Variants in WSCD2 observed in about 807,000 individuals in gnomAD.
WSCD2 encodes the protein WSC domain sialate O sulfotransferase 2.
A neutral mutation model predicts 55.7 loss-of-function variants in WSCD2; 28 were observed. That is an observed-to-expected ratio of 0.50 (90% CI 0.37 to 0.69). The LOEUF is 0.69. Among genes scored for constraint, WSCD2 ranks in the 30% least tolerant of loss-of-function variants. The probability of loss-of-function intolerance (pLI) is 0.00; values close to 1 mark genes in which losing one functional copy is unlikely to be tolerated. For synonymous variants in WSCD2, 301 were observed against 301.9 expected (o/e 1.00, Z 0.03); for missense variants, 616 against 762.1 (o/e 0.81, Z 2.26).
intron 1 of WSCD2, among the ~76,000 whole-genome samples, chr12:108,154,270 T>A (rs1878311837): frequency 6.6e-6 from 1 of 152,226 alleles, no homozygotes. Context: ...CAGGTTGGCA[T>A]GACTGAGTTC....
chr12:108,177,417 G>A (rs959537828), intron 1 of WSCD2, among the ~76,000 whole-genome samples: 1 of 152,106 alleles, frequency 6.6e-6, no homozygotes, highest in African/African-American at 2.4e-5. Flanking sequence ...TATAGTGAGT[G>A]CAGCCAGACT....
intron 4 of WSCD2, among the ~76,000 whole-genome samples, chr12:108,221,868 A>ACTATCACCACTACCACTGCCAC (rs1887563159): frequency 6.6e-6 from 1 of 152,188 alleles, no homozygotes; most frequent in Non-Finnish European, 1.5e-5. Context: ...GCATCCTGAC[A>ACTATCACCACTACCACTGCCAC]CTATCACCAC....
chr12:108,241,555 G>A (rs1197621461), intron 8 of WSCD2, among the ~76,000 whole-genome samples: 1 of 152,084 alleles, frequency 6.6e-6, no homozygotes, highest in Non-Finnish European at 1.5e-5. Flanking sequence ...AGGGTAAGGG[G>A]GATATAGGGG....
At position 108,248,260 on chromosome 12, in the gene WSCD2, A is replaced by C. The variant is rs1487442920; in HGVS notation, c.1615A>C (p.Ile539Leu). 6.2e-7 allele frequency: 1 copy of C among 1,614,230 alleles called. No individual in the cohort carries two copies. The part of the protein sequence containing the change: ...DPYTADMQKT[I>L]SAYIKMVDAA... ...CTATACTGCGGACATGCAGAAGACC[A>C]TCTCTGCCTACATCAAGATGGTGGA... The change falls in exon 9 of 9, where the codon ATC becomes CTC. Residue 539 changes from isoleucine to leucine, a missense_variant. Around this residue, in one of 3 missense-constraint regions of WSCD2, gnomAD observed 234 missense variants for 264.6 expected, o/e 0.88. Coordinates refer to ENST00000547525, the MANE Select transcript of WSCD2 (RefSeq NM_014653.4). The surrounding 1 kb of genome is among the most constrained non-coding windows in gnomAD (Gnocchi z 4.3).
At chr12:108,139,473 A>C (rs1212984650) in intron 1 of WSCD2, among the ~76,000 whole-genome samples, 1 of 152,136 alleles carries the variant, frequency 6.6e-6, no homozygotes, top group Admixed American at 6.6e-5. Context: ...CCAGAGTAGT[A>C]CATGCTGCAA....
intron 8 of WSCD2, among the ~76,000 whole-genome samples, chr12:108,246,539 C>T (rs1385889155): frequency 6.6e-6 from 1 of 152,188 alleles, no homozygotes; most frequent in African/African-American, 2.4e-5. Context: ...GCACTTTCCC[C>T]AGCTCCTCCT....
intron 4 of WSCD2, among the ~76,000 whole-genome samples, chr12:108,220,349 G>C (rs1202838194): frequency 6.6e-6 from 1 of 152,136 alleles, no homozygotes; most frequent in African/African-American, 2.4e-5. Flanking sequence ...TTGCAAGCTG[G>C]GTGACCTGTA....
At chr12:108,134,493 C>T (rs1210302729) in intron 1 of WSCD2, among the ~76,000 whole-genome samples, 1 of 152,118 alleles carries the variant, frequency 6.6e-6, no homozygotes, top group Non-Finnish European at 1.5e-5. Context: ...AAGCCCAGAC[C>T]TTGGTGAAGG....
intron 7 of WSCD2, among the ~76,000 whole-genome samples, chr12:108,237,018 G>A (rs963549937): frequency 1.3e-5 from 2 of 152,186 alleles, no homozygotes; most frequent in Non-Finnish European, 2.9e-5. Flanking sequence ...CTACAGAGTT[G>A]GCAGCCTCTC....
rs372488917 is a variant in WSCD2 at position 108,140,924 on chromosome 12, C to T, written c.-552+10998C>T. ...ACATCCTGATCCATGACAGGTCCTG[C>T]GGCCCCTTCGCTCCCATGCTGCTTT... On this transcript the variant is annotated intron_variant, in intron 1 of 8. Coordinates refer to ENST00000547525, the MANE Select transcript of WSCD2 (RefSeq NM_014653.4). 3.9e-5 allele frequency among the ~76,000 whole-genome samples: 6 copies of T among 152,370 alleles called. No individual in the cohort carries two copies. In the South Asian group the frequency reaches 1.0e-3, roughly 26 times the overall value.
rs372802789 is a variant in WSCD2 at position 108,250,171 on chromosome 12, A to AGTGTGTGTGTGTGTGTGTGT, written c.*1837_*1856dup. 2.7e-5 allele frequency: 4 copies of AGTGTGTGTGTGTGTGTGTGT among 146,500 alleles called. No homozygotes were observed. Among genetic ancestry groups the AGTGTGTGTGTGTGTGTGTGT allele is most frequent in the African/African-American group, 1.0e-4 (4 of 39,210 alleles). The allele number at this position is 146,500 out of a possible 1,614,324, so 9.1% of individuals were successfully genotyped here. ...AGGTTCACAAATGGGATGTTTTCCT[A>AGTGTGTGTGTGTGTGTGTGT]GTGTGTGTGTGTGTGTGTGTGTGTG... is the stretch of plus-strand genomic sequence containing the variant. On this transcript the variant is annotated 3_prime_UTR_variant, in exon 9 of 9. Coordinates refer to ENST00000547525, the MANE Select transcript of WSCD2 (RefSeq NM_014653.4).
chr12:108,173,808 C>CTGTGTGTG (rs1300986533), intron 1 of WSCD2, among the ~76,000 whole-genome samples: 5 of 100,970 alleles, frequency 5.0e-5, no homozygotes, highest in African/African-American at 2.3e-4. Flanking sequence ...ATTCCTGGCT[C>CTGTGTGTG]TCTGTGTGTG....
At chr12:108,184,196 C>T (rs1882157849) in intron 1 of WSCD2, among the ~76,000 whole-genome samples, 1 of 152,220 alleles carries the variant, frequency 6.6e-6, no homozygotes, top group East Asian at 1.9e-4. Context: ...CAGTCCTGCT[C>T]AGAGCTGGCA....
chr12:108,177,847 TGA>T (rs1881102860), intron 1 of WSCD2, among the ~76,000 whole-genome samples: 1 of 152,066 alleles, frequency 6.6e-6, no homozygotes, highest in Non-Finnish European at 1.5e-5. Flanking sequence ...GGTGATTCGC[TGA>T]GAGGGGACAG....
Position 108,196,055 on chromosome 12 carries a change from G to T in WSCD2, c.223G>T (p.Gly75Cys), listed in dbSNP as rs753798681. 1.1e-5 allele frequency: 17 copies of T among 1,614,090 alleles called. No individual in the cohort carries two copies. The highest frequency in any genetic ancestry group is 2.7e-5 in the African/African-American group (2 of 74,934). Residue 75 changes from glycine to cysteine, a missense_variant, in exon 2 of 9, where the codon GGT (glycine) becomes TGT (cysteine). By Grantham distance (159) the Gly-to-Cys change is radical (BLOSUM62 -3). Transcript: ENST00000547525. ...CTTGGGTGACATGCATCTGGGCAGA[G>T]GTTTCCGGGACACAGGTGAAGCCTC... ...SFLGDMHLGR[G>C]FRDTGEASSI...
intron 4 of WSCD2, among the ~76,000 whole-genome samples, chr12:108,216,467 CTA>C (rs1886843329): frequency 6.6e-6 from 1 of 152,214 alleles, no homozygotes. Flanking sequence ...TTCACATAGA[CTA>C]TGAGCTGTGA....
chr12:108,212,321 G>A (rs1043260718), intron 4 of WSCD2, among the ~76,000 whole-genome samples: 1 of 152,130 alleles, frequency 6.6e-6, no homozygotes, highest in Admixed American at 6.5e-5. Flanking sequence ...CTGAAAGTCA[G>A]GGATATTTAT....
chr12:108,195,818 C>T lies in WSCD2; in HGVS notation c.-15C>T, dbSNP rs746093067. 117 of 1,592,892 alleles carry T rather than the reference C, an allele frequency of 7.3e-5. 3 individuals are homozygous for T. In the South Asian group the frequency reaches 1.2e-3, roughly 17 times the overall value. On this transcript the variant is annotated 5_prime_UTR_variant, in exon 2 of 9. Transcript: ENST00000547525. Reference sequence around the variant, plus strand: ...CCAGCCAAGCCCCAGAGAGCCAGTCCGGAATGATCCCACTATGGCCAAGCT... The same window carrying T: ...CCAGCCAAGCCCCAGAGAGCCAGTCTGGAATGATCCCACTATGGCCAAGCT...
chr12:108,229,209 A>G (rs1275583527), intron 6 of WSCD2, among the ~76,000 whole-genome samples: 3 of 152,168 alleles, frequency 2.0e-5, no homozygotes, highest in Non-Finnish European at 2.9e-5. Context: ...TTTATTGAGC[A>G]CCTACTGTGT....
Sources: allele counts gnomAD v4.1 joint callset (sites outside exome capture counted in the v4.1 genomes callset), GRCh38; gene constraint gnomAD v4.1.1; regional missense constraint gnomAD v4.1.1; non-coding constraint Gnocchi (gnomAD v3.1); transcripts MANE v1.5; gene names NCBI Gene and HGNC (gene_info 2026-07-23, HGNC 2026-07-21).